Variants in COQ8A observed in about 807,000 individuals in gnomAD.
COQ8A encodes the protein atypical kinase COQ8A, mitochondrial.
A neutral mutation model predicts 65.0 loss-of-function variants in COQ8A; 51 were observed. The observed-to-expected ratio is 0.78, with a 90% CI of 0.63 to 0.99. The LOEUF (loss-of-function observed/expected upper bound fraction) is 0.99, where lower values mean the gene tolerates loss of function less well. COQ8A is among the 50% of genes least tolerant of loss of function. COQ8A has a pLI of 0.00. For missense variants in COQ8A, 940 were observed against 875.0 expected (o/e 1.07, Z -0.94); for synonymous variants, 371 against 353.2 (o/e 1.05, Z -0.57).
intron 14 of COQ8A, among the ~76,000 whole-genome samples, chr1:226,985,881 TA>T (rs1417341509): frequency 6.6e-6 from 1 of 152,148 alleles, no homozygotes; most frequent in East Asian, 1.9e-4. Context: ...GAGCCCCCCT[TA>T]TCTCAGCTGT....
At position 226,983,768 on chromosome 1, in the gene COQ8A, C is replaced by T. The variant is rs762853525; in HGVS notation, c.1170C>T (p.Phe390=). 1.8e-5 allele frequency: 29 copies of T among 1,612,982 alleles called. No individual in the cohort carries two copies. Among genetic ancestry groups the T allele is most frequent in the Non-Finnish European group, 1.9e-5 (23 of 1,179,994 alleles). ...NMSNMLPEGL[F]PEHLIDVLRR... is the part of the protein sequence containing the mutation. The stretch of plus-strand genomic sequence containing the variant: ...CCCTCCTCCCTGGCCCAGGCCTGTT[C>T]CCCGAGCACCTGATCGACGTGCTGA... Residue 390 remains phenylalanine (F), a synonymous_variant, in exon 10 of 15, where the codon TTC becomes TTT. Transcript: ENST00000366777.
intron 14 of COQ8A, 100 bp downstream of exon 14, chr1:226,985,440 GCC>G: frequency 7.3e-7 from 1 of 1,374,162 alleles, no homozygotes; most frequent in Non-Finnish European, 1.0e-6. Context: ...CCCTCAAGGG[GCC>G]CCCAGAGCCC....
rs759857986 is a variant in COQ8A, at chr1:226,982,955, G to A, written c.1001G>A (p.Arg334Gln). ...GACAAGTTGGAATACTTCGAGGAGC[G>A]GCCCTTCGCCGCCGCATCCATTGGG... The part of the protein sequence containing the change: ...WRDKLEYFEE[R>Q]PFAAASIGQV... The change falls in exon 8 of 15, where the codon CGG becomes CAG. Residue 334 changes from arginine (R) to glutamine (Q), a missense_variant. Transcript: ENST00000366777. The A allele has an allele frequency of 5.0e-6, 8 of 1,607,794 alleles. No homozygotes were observed. Among genetic ancestry groups the A allele is most frequent in the Admixed American group, 1.7e-5 (1 of 59,516 alleles).
At chr1:226,950,374 G>A (rs1657303048) in intron 1 of COQ8A, among the ~76,000 whole-genome samples, 1 of 152,206 alleles carries the variant, frequency 6.6e-6, no homozygotes, top group Non-Finnish European at 1.5e-5. Context: ...ATGGAGGTTT[G>A]CAGCCTGGGA....
chr1:226,966,008 C>T lies in COQ8A; in HGVS notation c.655+271C>T, dbSNP rs1399657952. ...GCTGAGTTTGGATTGCCCGGCAGGC[C>T]TCGCCTGGAGGCGGTGTCTGCAGCA... On this transcript the variant is annotated intron_variant, in intron 4 of 14. Coordinates refer to ENST00000366777, the MANE Select transcript of COQ8A (RefSeq NM_020247.5). Among the ~76,000 whole-genome samples the T allele has an allele frequency of 3.9e-5, 6 of 152,270 alleles. No individual in the cohort carries two copies. In the South Asian group the frequency reaches 8.3e-4, roughly 21 times the overall value.
chr1:226,977,601 G>A (rs1018321606), intron 5 of COQ8A, 78 bp downstream of exon 5: 2 of 1,469,534 alleles, frequency 1.4e-6, no homozygotes, highest in Admixed American at 2.0e-5. Flanking sequence ...CCCCACCTGT[G>A]CTCTGGGAGT....
Position 226,984,189 on chromosome 1 carries a change from TC to T in COQ8A, c.1357del (p.Leu453TrpfsTer24). On this transcript the variant is annotated frameshift_variant, in exon 11 of 15. Transcript: ENST00000366777. LOFTEE classifies it high-confidence loss of function. ...HVLTTELVSGFPLDQAEGLSQ... is the reference protein window; with the variant it reads ...HVLTTELVSGXPLDQAEGLSQ... ...CTGACCACAGAGCTGGTGTCTGGCT[TC>T]CCCCTGGACCAGGCCGAAGGGCTCA... 1 of 1,613,750 alleles carries T rather than the reference TC, an allele frequency of 6.2e-7. No homozygotes were observed. The highest frequency in any genetic ancestry group is 8.5e-7 in the Non-Finnish European group (1 of 1,179,974).
chr1:226,950,384 A>G (rs771891247), intron 1 of COQ8A, among the ~76,000 whole-genome samples: 4 of 152,190 alleles, frequency 2.6e-5, no homozygotes, highest in Admixed American at 6.5e-5. Flanking sequence ...GCAGCCTGGG[A>G]CATCAAAAAC....
intron 1 of COQ8A, among the ~76,000 whole-genome samples, chr1:226,959,420 TA>T (rs74258787): frequency 3.4e-3 from 488 of 143,456 alleles, no homozygotes; most frequent in Middle Eastern, 7.2e-3. Flanking sequence ...ACCCCTCTCT[TA>T]AAAAAAAAAA....
At chr1:226,985,844 T>A (rs1220620831) in intron 14 of COQ8A, among the ~76,000 whole-genome samples, 1 of 151,744 alleles carries the variant, frequency 6.6e-6, no homozygotes, top group African/African-American at 2.4e-5. Flanking sequence ...CTCATAGGAG[T>A]GTCATTTGAG....
In COQ8A at chr1:226,984,859, G is replaced by A. The variant is rs1370736815; in HGVS notation, c.1507-17G>A. On this transcript the variant is annotated splice_polypyrimidine_tract_variant and intron_variant, in intron 12 of 14. Transcript: ENST00000366777. ...GGAGCACCAGGGCCAAACTTCTCCT[G>A]GTGTCTCTGTCCCCAGGTGGCTCTT... The A allele has an allele frequency of 6.2e-7, 1 of 1,614,020 alleles. No homozygotes were observed.
chr1:226,970,522 C>T (rs959312759), intron 4 of COQ8A, among the ~76,000 whole-genome samples: 4 of 152,200 alleles, frequency 2.6e-5, no homozygotes, highest in African/African-American at 9.7e-5. Context: ...CTATCACTGT[C>T]GTATATGCAG....
chr1:226,976,823 G>A (rs771307147), intron 4 of COQ8A, among the ~76,000 whole-genome samples: 1 of 152,190 alleles, frequency 6.6e-6, no homozygotes, highest in Admixed American at 6.5e-5. Context: ...GTCAGTGTTT[G>A]CCAGCCCCGC....
At chr1:226,951,814 T>C (rs1041890251) in intron 1 of COQ8A, among the ~76,000 whole-genome samples, 4 of 152,110 alleles carry the variant, frequency 2.6e-5, no homozygotes, top group Non-Finnish European at 5.9e-5. Context: ...ACAATACATA[T>C]GTAAACGAAT....
chr1:226,978,099 C>T lies in COQ8A; in HGVS notation c.730+576C>T, dbSNP rs541458699. 5.7e-4 allele frequency among the ~76,000 whole-genome samples: 83 copies of T among 146,576 alleles called. 2 individuals carry two copies. The highest frequency in any genetic ancestry group is 1.8e-3 in the African/African-American group (70 of 39,660). ...TACCCCTGCACACCCACCGAACACC[C>T]GCACACGTCACACACCCCCTGCACA... On this transcript the variant is annotated intron_variant, in intron 5 of 14. Transcript: ENST00000366777.
intron 1 of COQ8A, among the ~76,000 whole-genome samples, chr1:226,951,299 G>A (rs1450017713): frequency 1.3e-5 from 2 of 152,230 alleles, no homozygotes; most frequent in African/African-American, 4.8e-5. Context: ...CCAAGCCGTG[G>A]ACCAACAACG....
At chr1:226,969,120 C>G (rs892312752) in intron 4 of COQ8A, among the ~76,000 whole-genome samples, 2 of 152,260 alleles carry the variant, frequency 1.3e-5, no homozygotes, top group African/African-American at 4.8e-5. Context: ...ATCCGTCTAT[C>G]TAGTCTGGTT....
intron 2 of COQ8A, among the ~76,000 whole-genome samples, chr1:226,962,220 C>T (rs2777841): frequency 0.95 from 144,140 of 152,270 alleles, 68,313 homozygotes; most frequent in African/African-American, 0.99. Flanking sequence ...GACTGGGGGC[C>T]CTCCTTTCCT....
chr1:226,965,841 T>TG (rs1376330504), intron 4 of COQ8A, 104 bp downstream of exon 4: 4 of 1,319,168 alleles, frequency 3.0e-6, no homozygotes, highest in Non-Finnish European at 4.3e-6. Context: ...GGGAGGGCGT[T>TG]GGGGGAGCAG....
Sources: allele counts gnomAD v4.1 joint callset (sites outside exome capture counted in the v4.1 genomes callset), GRCh38; gene constraint gnomAD v4.1.1; transcripts MANE v1.5; gene names NCBI Gene and HGNC (gene_info 2026-07-23, HGNC 2026-07-21).